SNTB1: variants seen among roughly 807,000 people sequenced by gnomAD.
SNTB1 encodes beta-1-syntrophin.
In SNTB1, 36 loss-of-function variants were observed where a neutral mutation model predicts 48.9. The observed-to-expected ratio is 0.74, with a 90% CI of 0.56 to 0.97. The LOEUF (loss-of-function observed/expected upper bound fraction) is 0.97, where lower values mean the gene tolerates loss of function less well. Ranked by LOEUF, SNTB1 falls within the 50% of genes least tolerant of loss-of-function variation. The probability of loss-of-function intolerance (pLI) is 0.00; values close to 1 mark genes in which losing one functional copy is unlikely to be tolerated. For missense variants in SNTB1, 786 were observed against 703.4 expected (o/e 1.12, Z -1.33); for synonymous variants, 299 against 294.6 (o/e 1.01, Z -0.15).
At chr8:120,631,503 T>C (rs895035434) in intron 3 of SNTB1, among the ~76,000 whole-genome samples, 3 of 152,170 alleles carry the variant, frequency 2.0e-5, no homozygotes, top group African/African-American at 7.2e-5. Flanking sequence ...ACAGGGTTCT[T>C]TGGCAGGAAA....
At chr8:120,661,435 C>G (rs996042940) in intron 2 of SNTB1, among the ~76,000 whole-genome samples, 1 of 152,114 alleles carries the variant, frequency 6.6e-6, no homozygotes, top group East Asian at 1.9e-4. Context: ...GTCACACTTG[C>G]AGGTACTATT....
chr8:120,564,563 G>GATTT (rs1243511893), intron 4 of SNTB1, among the ~76,000 whole-genome samples: 1 of 36,236 alleles, frequency 2.8e-5, no homozygotes, highest in African/African-American at 7.8e-5. Context: ...CTATTATTCT[G>GATTT]GTTTTTTTTT....
intron 1 of SNTB1, chr8:120,768,809 G>A (rs1312166422): frequency 6.6e-6 from 1 of 152,152 alleles, no homozygotes; most frequent in Admixed American, 6.5e-5. Context: ...ATGGTATGGG[G>A]AAGAAGAAAA....
At chr8:120,773,522 T>C (rs768099185) in intron 1 of SNTB1, among the ~76,000 whole-genome samples, 16 of 152,180 alleles carry the variant, frequency 1.1e-4, no homozygotes, top group Non-Finnish European at 2.2e-4. Flanking sequence ...CTTCCGAACA[T>C]TTACACTGTG....
chr8:120,647,465 G>A (rs1817318470), intron 2 of SNTB1, among the ~76,000 whole-genome samples: 2 of 149,050 alleles, frequency 1.3e-5, no homozygotes, highest in Non-Finnish European at 3.0e-5. Flanking sequence ...TTTCCATGTA[G>A]TTGAGCGGTT....
At chr8:120,729,316 T>C (rs1435508690) in intron 1 of SNTB1, among the ~76,000 whole-genome samples, 2 of 152,214 alleles carry the variant, frequency 1.3e-5, no homozygotes, top group African/African-American at 4.8e-5. Flanking sequence ...CTGACAGATG[T>C]GAGATGGTAT....
intron 3 of SNTB1, among the ~76,000 whole-genome samples, chr8:120,580,239 T>G (rs1024492818): frequency 6.6e-6 from 1 of 152,212 alleles, no homozygotes; most frequent in Admixed American, 6.5e-5. Flanking sequence ...ATATTTACTT[T>G]CCACCTTCTA....
rs141426740 is a variant in SNTB1, at chr8:120,708,660, G to A, written c.572-14752C>T. Among the ~76,000 whole-genome samples, 18 of 152,240 alleles carry A rather than the reference G, an allele frequency of 1.2e-4. No homozygotes were observed. In the East Asian group the frequency reaches 3.5e-3, roughly 29 times the overall value. On this transcript the variant is annotated intron_variant, in intron 1 of 6. Coordinates refer to ENST00000517992, the MANE Select transcript of SNTB1 (RefSeq NM_021021.4). The stretch of plus-strand genomic sequence containing the variant: ...ATAATCCAAGATTGATTCAATATTA[G>A]AAAATGTATTATTGGCATTCAATAT...
At chr8:120,800,575 C>T (rs1205655427) in intron 1 of SNTB1, among the ~76,000 whole-genome samples, 2 of 151,996 alleles carry the variant, frequency 1.3e-5, no homozygotes, top group South Asian at 2.1e-4. Flanking sequence ...TGCATCAGAC[C>T]TAGATGGGAC....
chr8:120,746,063 TGCAGAGTTGA>T lies in SNTB1; in HGVS notation c.572-52165_572-52156del, dbSNP rs1213563925. Among the ~76,000 whole-genome samples the T allele has an allele frequency of 1.3e-3, 204 of 152,318 alleles. 1 individual carries two copies. Among genetic ancestry groups the T allele is most frequent in the African/African-American group, 4.6e-3 (193 of 41,570 alleles). On this transcript the variant is annotated intron_variant, in intron 1 of 6. Transcript: ENST00000517992. The stretch of plus-strand genomic sequence containing the variant: ...ATTATCCACGACAGTTTGGTGCCAC[TGCAGAGTTGA>T]GCAGAGTTGAGCCTTGAACAACATA...
intron 4 of SNTB1, among the ~76,000 whole-genome samples, chr8:120,554,411 A>G (rs1018439318): frequency 1.3e-5 from 2 of 152,188 alleles, no homozygotes; most frequent in Non-Finnish European, 2.9e-5. Context: ...TGACATCTAC[A>G]ATAATCATCC....
At chr8:120,704,881 AG>A (rs1818355790) in intron 1 of SNTB1, among the ~76,000 whole-genome samples, 1 of 152,242 alleles carries the variant, frequency 6.6e-6, no homozygotes. Context: ...TGTAACATGT[AG>A]GACAGGGAGA....
rs199793747 is a variant in SNTB1, at chr8:120,740,870, AT to A, written c.572-46963del. ...TACCCAAATGTATCAAGCATTTTTAATCTTCTCAACAGCACACAACCACTAG... is the reference window on the plus strand; with the variant it reads ...TACCCAAATGTATCAAGCATTTTTAACTTCTCAACAGCACACAACCACTAG... On this transcript the variant is annotated intron_variant, in intron 1 of 6. Coordinates refer to ENST00000517992, the MANE Select transcript of SNTB1 (RefSeq NM_021021.4). 3.8e-3 allele frequency among the ~76,000 whole-genome samples: 584 copies of A among 152,300 alleles called. 4 individuals carry two copies. The highest frequency in any genetic ancestry group is 0.013 in the African/African-American group (560 of 41,564).
intron 3 of SNTB1, among the ~76,000 whole-genome samples, chr8:120,605,374 A>G (rs4514024): frequency 0.24 from 35,996 of 152,172 alleles, 4,405 homozygotes; most frequent in African/African-American, 0.3. Context: ...GCTCTCCAGA[A>G]GTAGCTACAA....
At chr8:120,744,121 A>ATTTTTTTT (rs35604534) in intron 1 of SNTB1, among the ~76,000 whole-genome samples, 3,393 of 135,972 alleles carry the variant, frequency 0.025, 136 homozygotes, top group African/African-American at 0.083. Flanking sequence ...CCCTGTCTCA[A>ATTTTTTTT]TTTTTTTTTT....
intron 4 of SNTB1, among the ~76,000 whole-genome samples, chr8:120,573,987 GA>G (rs1230860610): frequency 6.6e-6 from 1 of 152,162 alleles, no homozygotes; most frequent in African/African-American, 2.4e-5. Context: ...GTCTATAGAT[GA>G]ACGGATAAAG....
In SNTB1 at chr8:120,603,142, G is replaced by A. The variant is rs776601486; in HGVS notation, c.997-27917C>T. On this transcript the variant is annotated intron_variant, in intron 3 of 6. Coordinates refer to ENST00000517992, the MANE Select transcript of SNTB1 (RefSeq NM_021021.4). ...TTTTGAGACGGGGTTTCGCTCTGTC[G>A]CCCAGGCTGGAATGCAGTGGCGCGA... 8.7e-5 allele frequency among the ~76,000 whole-genome samples: 13 copies of A among 150,254 alleles called. 1 individual carries two copies. The highest frequency in any genetic ancestry group is 1.3e-4 in the Admixed American group (2 of 15,088).
intron 1 of SNTB1, among the ~76,000 whole-genome samples, chr8:120,809,796 C>G (rs949325757): frequency 1.3e-5 from 2 of 152,186 alleles, no homozygotes; most frequent in Non-Finnish European, 2.9e-5. Context: ...AAACAGCTTT[C>G]CACTTTCTGG....
intron 1 of SNTB1, among the ~76,000 whole-genome samples, chr8:120,781,163 G>T (rs1819825548): frequency 6.6e-6 from 1 of 152,152 alleles, no homozygotes; most frequent in African/African-American, 2.4e-5. Flanking sequence ...AGTAAGTGGT[G>T]GGGAGCAAAG....
Sources: allele counts gnomAD v4.1 joint callset (sites outside exome capture counted in the v4.1 genomes callset), GRCh38; gene constraint gnomAD v4.1.1; transcripts MANE v1.5; gene names NCBI Gene and HGNC (gene_info 2026-07-23, HGNC 2026-07-21).